Variants in BTBD9 observed in about 807,000 individuals in gnomAD.
BTBD9 encodes the protein BTB/POZ domain-containing protein 9.
In BTBD9, 49 loss-of-function variants were observed where a neutral mutation model predicts 64.3. The ratio of observed to expected loss-of-function variants is 0.76; its 90% CI spans 0.61 to 0.97. The LOEUF is 0.97. BTBD9 is among the 50% of genes least tolerant of loss of function. BTBD9 has a pLI of 0.00. For missense variants in BTBD9, 598 were observed against 762.1 expected, an observed-to-expected ratio of 0.78 and a Z score of 2.53; for synonymous variants, 260 against 274.7, an observed-to-expected ratio of 0.95 and a Z score of 0.53.
chr6:38,529,779 T>C (rs1431467252), intron 6 of BTBD9, among the ~76,000 whole-genome samples: 3 of 152,332 alleles, frequency 2.0e-5, no homozygotes, highest in Middle Eastern at 3.4e-3. Context: ...AGGACCACTA[T>C]GATAATTGTG....
intron 6 of BTBD9, among the ~76,000 whole-genome samples, chr6:38,554,662 T>C (rs1374913869): frequency 6.6e-6 from 1 of 152,210 alleles, no homozygotes; most frequent in Non-Finnish European, 1.5e-5. Flanking sequence ...TATGTTCTTT[T>C]CACAGATTTC....
chr6:38,329,146 ATTTAT>A (rs1763574846), intron 7 of BTBD9, among the ~76,000 whole-genome samples: 1 of 151,914 alleles, frequency 6.6e-6, no homozygotes, highest in African/African-American at 2.4e-5. Context: ...GTGTGCCATA[ATTTAT>A]TTTGTTATGC....
At chr6:38,196,795 T>G (rs1454074106) in intron 9 of BTBD9, among the ~76,000 whole-genome samples, 3 of 152,194 alleles carry the variant, frequency 2.0e-5, no homozygotes, top group East Asian at 1.9e-4. Context: ...TAGTTGGTTG[T>G]TTGATGCTTG....
intron 6 of BTBD9, among the ~76,000 whole-genome samples, chr6:38,398,411 A>C (rs1437000684): frequency 1.3e-5 from 2 of 152,208 alleles, no homozygotes; most frequent in Non-Finnish European, 2.9e-5. Context: ...TAGGAATATA[A>C]GGCCATACCA....
At chr6:38,256,109 T>TG (rs1260478486) in intron 9 of BTBD9, among the ~76,000 whole-genome samples, 3 of 146,752 alleles carry the variant, frequency 2.0e-5, no homozygotes. Flanking sequence ...CATGGCGGGG[T>TG]GGGGGGTCTG....
At chr6:38,418,515 A>G (rs1469439259) in intron 6 of BTBD9, among the ~76,000 whole-genome samples, 2 of 152,250 alleles carry the variant, frequency 1.3e-5, no homozygotes, top group Non-Finnish European at 2.9e-5. Context: ...GGAGAACCTT[A>G]GGAAAATCTT....
rs1290661745 is a variant in BTBD9, at chr6:38,303,862, TATATATATATATAC to T, written c.1265-15415_1265-15402del. 4.7e-3 allele frequency among the ~76,000 whole-genome samples: 564 copies of T among 120,730 alleles called. 9 individuals carry two copies. The highest frequency in any genetic ancestry group is 0.014 in the African/African-American group (405 of 28,446). 79.2% of individuals were successfully genotyped at this position (120,730 alleles called of 152,430 possible). A position where few individuals can be genotyped will look rare whatever the true frequency, so the allele number is the denominator to read the frequency against. ...CTAGATATATATATATATATATATA[TATATATATATATAC>T]ACACACACACATGTGTATATATATA... On this transcript the variant is annotated intron_variant, in intron 7 of 10. Transcript: ENST00000481247.
chr6:38,331,109 AC>A (rs1326955761), intron 7 of BTBD9, among the ~76,000 whole-genome samples: 2 of 152,264 alleles, frequency 1.3e-5, no homozygotes, highest in African/African-American at 2.4e-5. Context: ...AAGGTAACTA[AC>A]AGGGTGAGAG....
intron 9 of BTBD9, among the ~76,000 whole-genome samples, chr6:38,198,671 A>G (rs567825034): frequency 2.6e-5 from 4 of 152,350 alleles, no homozygotes; most frequent in African/African-American, 9.6e-5. Flanking sequence ...CACTGGGGAG[A>G]CAGAGACAGG....
intron 9 of BTBD9, among the ~76,000 whole-genome samples, chr6:38,225,284 T>G (rs949164212): frequency 6.6e-6 from 1 of 152,208 alleles, no homozygotes; most frequent in Non-Finnish European, 1.5e-5. Context: ...TGCCCAATGA[T>G]GTGTCCTAGA....
rs10660204 is a variant in BTBD9, at chr6:38,585,938, CCACACACACACACA to C, written c.815-5515_815-5502del. 2.0e-4 allele frequency among the ~76,000 whole-genome samples: 28 copies of C among 140,864 alleles called. No individual in the cohort carries two copies. In the South Asian group the frequency reaches 5.1e-3, roughly 26 times the overall value. The allele number at this position is 140,864 out of a possible 152,430, so 92.4% of individuals were successfully genotyped here. ...ATAGGTACAGGGTAAACAGGACAGA[CCACACACACACACA>C]CACACACACACACACACACACACAC... On this transcript the variant is annotated intron_variant, in intron 4 of 10. Transcript: ENST00000481247.
At chr6:38,230,854 A>G (rs1430807673) in intron 9 of BTBD9, among the ~76,000 whole-genome samples, 1 of 152,208 alleles carries the variant, frequency 6.6e-6, no homozygotes, top group Non-Finnish European at 1.5e-5. Flanking sequence ...TTCTGGCCTA[A>G]AGTAGCTGCT....
Position 38,438,087 on chromosome 6 carries a change from C to G in BTBD9, c.1155-92994G>C, listed in dbSNP as rs915511002. Among the ~76,000 whole-genome samples, 4 of 151,370 alleles carry G rather than the reference C, an allele frequency of 2.6e-5. No individual in the cohort carries two copies. The East Asian group carries it at 5.8e-4, about 22-fold the overall frequency. On this transcript the variant is annotated intron_variant, in intron 6 of 10. Transcript: ENST00000481247. ...GATATTTTCACTCACATCAACAGCACTGACTGAAGCCTGAAAACATTTGTA... is the reference window on the plus strand; with the variant it reads ...GATATTTTCACTCACATCAACAGCAGTGACTGAAGCCTGAAAACATTTGTA...
intron 6 of BTBD9, among the ~76,000 whole-genome samples, chr6:38,497,166 A>C (rs1037876356): frequency 6.6e-6 from 1 of 152,240 alleles, no homozygotes; most frequent in Non-Finnish European, 1.5e-5. Flanking sequence ...TATTCATGGA[A>C]TCTATAAAAG....
intron 6 of BTBD9, among the ~76,000 whole-genome samples, chr6:38,528,071 G>A (rs1431965418): frequency 6.6e-6 from 1 of 152,134 alleles, no homozygotes; most frequent in Non-Finnish European, 1.5e-5. Context: ...CCCCAGTAGT[G>A]GCCATGGCCA....
intron 6 of BTBD9, among the ~76,000 whole-genome samples, chr6:38,486,346 G>C (rs1562250883): frequency 6.6e-6 from 1 of 152,152 alleles, no homozygotes; most frequent in African/African-American, 2.4e-5. Context: ...TCACAACTTG[G>C]CAAACTGTCT....
chr6:38,324,383 G>A (rs1326005982), intron 7 of BTBD9, among the ~76,000 whole-genome samples: 2 of 152,156 alleles, frequency 1.3e-5, no homozygotes, highest in African/African-American at 4.8e-5. Context: ...GGTGTCCTAG[G>A]AATGCAAGTA....
chr6:38,328,193 T>C (rs1763514177), intron 7 of BTBD9, among the ~76,000 whole-genome samples: 1 of 152,244 alleles, frequency 6.6e-6, no homozygotes, highest in Non-Finnish European at 1.5e-5. Context: ...AGAAAACGTG[T>C]GAACATTTAG....
chr6:38,336,869 A>G (rs1035063750), intron 7 of BTBD9, among the ~76,000 whole-genome samples: 1 of 152,204 alleles, frequency 6.6e-6, no homozygotes, highest in African/African-American at 2.4e-5. Context: ...TTCAAGGCAG[A>G]AACTACACCC....
Sources: gnomAD v4.1 joint callset for allele counts (sites outside exome capture counted in the v4.1 genomes callset) on GRCh38, gnomAD v4.1.1 for gene constraint, MANE v1.5 for transcripts, NCBI Gene and HGNC (gene_info 2026-07-23, HGNC 2026-07-21) for gene names.